The following AOAH variants were observed in gnomAD, a reference collection of about 807,000 sequenced individuals.
AOAH encodes acyloxyacyl hydrolase.
In AOAH, 64 loss-of-function variants were observed where a neutral mutation model predicts 92.2. That is an observed-to-expected ratio of 0.69 (90% CI 0.57 to 0.86). AOAH has a LOEUF of 0.86. AOAH is among the 40% of genes least tolerant of loss of function. The pLI, the probability that AOAH is intolerant of heterozygous loss-of-function variation, is 0.00. For synonymous variants in AOAH, 263 were observed against 254.5 expected (o/e 1.03, Z -0.32); for missense variants, 656 against 694.6 (o/e 0.94, Z 0.62).
chr7:36,553,575 A>G (rs1436115325), intron 13 of AOAH, among the ~76,000 whole-genome samples: 1 of 152,100 alleles, frequency 6.6e-6, no homozygotes, highest in African/African-American at 2.4e-5. Flanking sequence ...GATTTCCACA[A>G]TGGTTAAACT....
At chr7:36,573,802 G>C (rs1303974324) in intron 13 of AOAH, among the ~76,000 whole-genome samples, 2 of 152,162 alleles carry the variant, frequency 1.3e-5, no homozygotes, top group African/African-American at 2.4e-5. Flanking sequence ...TCTTACATAA[G>C]GATCAGGATG....
intron 1 of AOAH, among the ~76,000 whole-genome samples, chr7:36,713,303 T>C (rs562530675): frequency 4.1e-3 from 397 of 97,492 alleles, no homozygotes; most frequent in African/African-American, 0.013. Flanking sequence ...ATGCACCCAA[T>C]ACAGGAGCAC....
At chr7:36,718,265 C>T (rs901841277) in intron 1 of AOAH, among the ~76,000 whole-genome samples, 1 of 152,098 alleles carries the variant, frequency 6.6e-6, no homozygotes, top group Admixed American at 6.6e-5. Context: ...AGATCTCACT[C>T]CACAGCTACT....
intron 20 of AOAH, chr7:36,514,650 G>A (rs1790234828): frequency 4.1e-6 from 5 of 1,207,492 alleles, no homozygotes; most frequent in Non-Finnish European, 5.9e-6. Context: ...ACTCCAGATG[G>A]CTCCATCTCA....
intron 20 of AOAH, among the ~76,000 whole-genome samples, chr7:36,517,593 A>G (rs1401189132): frequency 1.7e-5 from 2 of 115,320 alleles, no homozygotes; most frequent in African/African-American, 3.1e-5. Flanking sequence ...TTCTGACTTT[A>G]TATCTTTTTT....
intron 1 of AOAH, among the ~76,000 whole-genome samples, chr7:36,712,681 A>C (rs1465290920): frequency 6.6e-6 from 1 of 152,212 alleles, no homozygotes; most frequent in African/African-American, 2.4e-5. Flanking sequence ...AATATTCAAC[A>C]TTCTCAAAGA....
chr7:36,723,982 TATGTCTAC>T, intron 1 of AOAH, 32 bp downstream of exon 1: 1 of 1,599,168 alleles, frequency 6.3e-7, no homozygotes, highest in Non-Finnish European at 8.5e-7. Flanking sequence ...ATCCCATTGT[TATGTCTAC>T]ATAGAAAATA....
In AOAH at chr7:36,552,866, C is replaced by T. The variant is rs1375503913; in HGVS notation, c.1022-3391G>A. 2.6e-5 allele frequency among the ~76,000 whole-genome samples: 4 copies of T among 152,062 alleles called. No homozygotes were observed. In the East Asian group the frequency reaches 7.7e-4, roughly 29 times the overall value. ...TACATTAATTCGCTTAGGATAATGG[C>T]CTTCAGCTGCCTCCATGTTACTAGC... On this transcript the variant is annotated intron_variant, in intron 13 of 20. Coordinates refer to ENST00000617537, the MANE Select transcript of AOAH (RefSeq NM_001637.4).
At chr7:36,710,792 A>C (rs1477954138) in intron 1 of AOAH, among the ~76,000 whole-genome samples, 1 of 152,194 alleles carries the variant, frequency 6.6e-6, no homozygotes, top group African/African-American at 2.4e-5. Flanking sequence ...GCCTTACAAT[A>C]GGTTTAATTT....
At chr7:36,704,196 G>T (rs1222840762) in intron 1 of AOAH, among the ~76,000 whole-genome samples, 1 of 151,970 alleles carries the variant, frequency 6.6e-6, no homozygotes, top group Non-Finnish European at 1.5e-5. Context: ...TTTTGATGGG[G>T]TTGTTTGTTT....
intron 15 of AOAH, among the ~76,000 whole-genome samples, chr7:36,548,109 T>C (rs958880411): frequency 3.9e-5 from 6 of 152,146 alleles, no homozygotes; most frequent in African/African-American, 9.7e-5. Flanking sequence ...TACATCAGAG[T>C]TGATCATTAA....
At chr7:36,596,290 C>A (rs1790119078) in intron 11 of AOAH, among the ~76,000 whole-genome samples, 1 of 149,652 alleles carries the variant, frequency 6.7e-6, no homozygotes, top group African/African-American at 2.5e-5. Flanking sequence ...CTGGGAAAAA[C>A]TCAATCCTCC....
chr7:36,659,178 G>T lies in AOAH; in HGVS notation c.378C>A (p.Tyr126Ter), dbSNP rs1795053323. ...QNTGQPLCHL[Y>*]PLPKETWKFT... Reference sequence around the variant, plus strand: ...ATTACACACTCACCTTGGGAAGAGGGTAGAGATGACACAATGGTTGGCCAG... The same window carrying T: ...ATTACACACTCACCTTGGGAAGAGGTTAGAGATGACACAATGGTTGGCCAG... The change falls in exon 4 of 21, where the codon TAC becomes TAA. Residue 126 changes from tyrosine to a stop codon, truncating the protein, a stop_gained. Coordinates refer to ENST00000617537, the MANE Select transcript of AOAH (RefSeq NM_001637.4). LOFTEE classifies it high-confidence loss of function. 1 of 1,613,296 alleles carries T rather than the reference G, an allele frequency of 6.2e-7. No homozygotes were observed. The highest frequency in any genetic ancestry group is 1.1e-5 in the South Asian group (1 of 91,064).
chr7:36,630,456 T>C (rs1419918072), intron 6 of AOAH, among the ~76,000 whole-genome samples: 2 of 152,194 alleles, frequency 1.3e-5, no homozygotes, highest in African/African-American at 4.8e-5. Flanking sequence ...AAGAACATTA[T>C]TCTGAGTCAT....
At chr7:36,688,535 C>CTA (rs35841955) in intron 1 of AOAH, among the ~76,000 whole-genome samples, 38,943 of 151,794 alleles carry the variant, frequency 0.26, 5,714 homozygotes, top group African/African-American at 0.4. Flanking sequence ...AATTATATTG[C>CTA]TGTGATAAGA....
intron 13 of AOAH, among the ~76,000 whole-genome samples, chr7:36,565,863 T>G (rs1787672412): frequency 6.6e-6 from 1 of 152,158 alleles, no homozygotes; most frequent in South Asian, 2.1e-4. Context: ...CTTCAATAAT[T>G]ATAGAACAAT....
At chr7:36,514,872 A>C (rs1452322146) in intron 20 of AOAH, among the ~76,000 whole-genome samples, 1 of 151,990 alleles carries the variant, frequency 6.6e-6, no homozygotes, top group Non-Finnish European at 1.5e-5. Flanking sequence ...AAGTGATCCA[A>C]AGTCCTTTCT....
At chr7:36,606,498 T>C (rs1213380044) in intron 11 of AOAH, among the ~76,000 whole-genome samples, 1 of 152,240 alleles carries the variant, frequency 6.6e-6, no homozygotes, top group African/African-American at 2.4e-5. Context: ...TATAATGGGA[T>C]AGGCAACAGC....
intron 3 of AOAH, among the ~76,000 whole-genome samples, chr7:36,661,819 C>G (rs1038441958): frequency 5.9e-5 from 9 of 152,122 alleles, no homozygotes; most frequent in Admixed American, 5.9e-4. Context: ...GCTTTCTTTC[C>G]CTGATGCCCA....
Sources: gnomAD v4.1 joint callset for allele counts (sites outside exome capture counted in the v4.1 genomes callset) on GRCh38, gnomAD v4.1.1 for gene constraint, MANE v1.5 for transcripts, NCBI Gene and HGNC (gene_info 2026-07-23, HGNC 2026-07-21) for gene names.